Variants in XKR4 observed in about 807,000 individuals in gnomAD.
XKR4 encodes XK-related protein 4.
XKR4 carries 12 observed loss-of-function variants against 53.9 expected under a neutral mutation model. That is an observed-to-expected ratio of 0.22 (90% CI 0.14 to 0.36). The LOEUF (loss-of-function observed/expected upper bound fraction) is 0.36, where lower values mean the gene tolerates loss of function less well. XKR4 is among the 10% of genes least tolerant of loss of function. The probability of loss-of-function intolerance (pLI) is 1.00; values close to 1 mark genes in which losing one functional copy is unlikely to be tolerated. For synonymous variants in XKR4, 354 were observed against 362.4 expected (o/e 0.98, Z 0.26); for missense variants, 799 against 859.5 (o/e 0.93, Z 0.88).
Position 55,301,427 on chromosome 8 carries a change from G to A in XKR4, c.807-56251G>A, listed in dbSNP as rs545534667. ...ACATTTGGGTTGGTTCCAAGTCTTTGCTATTGTGAATAGTGCCGCAATAAA... is the reference window on the plus strand; with the variant it reads ...ACATTTGGGTTGGTTCCAAGTCTTTACTATTGTGAATAGTGCCGCAATAAA... On this transcript the variant is annotated intron_variant, in intron 1 of 2. Transcript: ENST00000327381. 5.6e-3 allele frequency among the ~76,000 whole-genome samples: 846 copies of A among 151,920 alleles called. 10 individuals carry two copies. Among genetic ancestry groups the A allele is most frequent in the African/African-American group, 0.019 (807 of 41,458 alleles).
At chr8:55,238,858 G>A (rs1818170263) in intron 1 of XKR4, among the ~76,000 whole-genome samples, 1 of 152,138 alleles carries the variant, frequency 6.6e-6, no homozygotes, top group East Asian at 1.9e-4. Context: ...TAATAAGTGA[G>A]GTTCAGAAAC....
At chr8:55,257,735 T>C (rs192264902) in intron 1 of XKR4, among the ~76,000 whole-genome samples, 51 of 152,366 alleles carry the variant, frequency 3.3e-4, no homozygotes, top group Admixed American at 1.4e-3. Context: ...GAACTGATAC[T>C]GTGGCTTTTC....
intron 1 of XKR4, among the ~76,000 whole-genome samples, chr8:55,329,054 C>G (rs1419205859): frequency 6.6e-6 from 1 of 152,148 alleles, no homozygotes; most frequent in Non-Finnish European, 1.5e-5. Flanking sequence ...AAGGTGGCCC[C>G]TCAGTGAATA....
At chr8:55,382,225 G>T (rs1435577740) in intron 2 of XKR4, among the ~76,000 whole-genome samples, 1 of 152,156 alleles carries the variant, frequency 6.6e-6, no homozygotes, top group Non-Finnish European at 1.5e-5. Flanking sequence ...TTGTATTCAA[G>T]TCTAACAGGA....
chr8:55,247,835 TTTTC>T (rs374604470), intron 1 of XKR4, among the ~76,000 whole-genome samples: 2 of 65,088 alleles, frequency 3.1e-5, no homozygotes, highest in Admixed American at 1.6e-4. Context: ...TAATTTTTCT[TTTTC>T]TTTCTTTCTT....
At chr8:55,321,762 A>G (rs1803218379) in intron 1 of XKR4, among the ~76,000 whole-genome samples, 1 of 152,160 alleles carries the variant, frequency 6.6e-6, no homozygotes, top group Non-Finnish European at 1.5e-5. Flanking sequence ...AGGCCAAGGC[A>G]GGTGGATCAT....
intron 1 of XKR4, among the ~76,000 whole-genome samples, chr8:55,252,402 AT>A (rs1406510952): frequency 1.3e-5 from 2 of 152,140 alleles, no homozygotes; most frequent in Non-Finnish European, 2.9e-5. Flanking sequence ...GGCAAGGACT[AT>A]TTTTGTTTTA....
chr8:55,151,949 C>T (rs1278172231), intron 1 of XKR4, among the ~76,000 whole-genome samples: 6 of 152,068 alleles, frequency 3.9e-5, no homozygotes. Context: ...GTATTTCTTT[C>T]TTGGTATTTT....
chr8:55,465,257 C>T lies in XKR4; in HGVS notation c.1007-58024C>T, dbSNP rs574046434. The stretch of plus-strand genomic sequence containing the variant: ...AACTATACTACAAGGCTACAGTAAC[C>T]AAAACAGCATGGTACTGGTACCAAA... On this transcript the variant is annotated intron_variant, in intron 2 of 2. Transcript: ENST00000327381. 3.2e-3 allele frequency among the ~76,000 whole-genome samples: 484 copies of T among 152,200 alleles called. 2 individuals carry two copies. Among genetic ancestry groups the T allele is most frequent in the African/African-American group, 0.011 (452 of 41,456 alleles).
At chr8:55,422,050 C>A (rs1385793240) in intron 2 of XKR4, among the ~76,000 whole-genome samples, 1 of 152,132 alleles carries the variant, frequency 6.6e-6, no homozygotes, top group Non-Finnish European at 1.5e-5. Flanking sequence ...ATAACTATGG[C>A]CTATATGTGC....
At chr8:55,450,375 T>C (rs1805419329) in intron 2 of XKR4, 1 of 648,752 alleles carries the variant, frequency 1.5e-6, no homozygotes, top group Non-Finnish European at 2.6e-6. Context: ...GCAGGACCTC[T>C]GTGTCCTCGG....
chr8:55,530,143 A>AGAAGGAAG lies in XKR4; in HGVS notation c.*5975_*5982dup, dbSNP rs60739329. ...AGGGAGGGAGAGAGGGAGGGAAGGA[A>AGAAGGAAG]GAAGGAAGGAAGGAAGGAAGGAAGG... On this transcript the variant is annotated 3_prime_UTR_variant, in exon 3 of 3. Coordinates refer to ENST00000327381, the MANE Select transcript of XKR4 (RefSeq NM_052898.2). 210 of 132,958 alleles carry AGAAGGAAG rather than the reference A, an allele frequency of 1.6e-3. No homozygotes were observed. The highest frequency in any genetic ancestry group is 2.3e-3 in the Admixed American group (29 of 12,676). 8.2% of individuals were successfully genotyped at this position (132,958 alleles called of 1,614,324 possible). A position where few individuals can be genotyped will look rare whatever the true frequency, so the allele number is the denominator to read the frequency against.
At chr8:55,450,656 G>T in intron 2 of XKR4, 1 of 606,638 alleles carries the variant, frequency 1.6e-6, no homozygotes, top group South Asian at 1.6e-5. Flanking sequence ...CAGGAAGATA[G>T]TGTGAAGCCG....
At chr8:55,167,606 G>A (rs1817088050) in intron 1 of XKR4, among the ~76,000 whole-genome samples, 1 of 152,170 alleles carries the variant, frequency 6.6e-6, no homozygotes, top group Non-Finnish European at 1.5e-5. Flanking sequence ...CTGAGATTCA[G>A]TAGTTTATCT....
intron 1 of XKR4, among the ~76,000 whole-genome samples, chr8:55,203,662 T>C (rs1021129813): frequency 5.3e-5 from 8 of 152,138 alleles, no homozygotes; most frequent in Non-Finnish European, 8.8e-5. Context: ...CAGCACCACG[T>C]CCAGGCCATA....
At position 55,454,468 on chromosome 8, in the gene XKR4, C is replaced by A. The variant is rs1563354993; in HGVS notation, c.1007-68813C>A. Reference sequence around the variant, plus strand: ...TCCGGGACAGGAAGAGAACCTCGTGCTCCATGAGGGTGGCACAGACCAAAG... The same window carrying A: ...TCCGGGACAGGAAGAGAACCTCGTGATCCATGAGGGTGGCACAGACCAAAG... On this transcript the variant is annotated intron_variant, in intron 2 of 2. Transcript: ENST00000327381. 6 of 1,179,104 alleles carry A rather than the reference C, an allele frequency of 5.1e-6. No individual in the cohort carries two copies. In the East Asian group the frequency reaches 1.5e-4, roughly 30 times the overall value. The allele number at this position is 1,179,104 out of a possible 1,614,324, so 73.0% of individuals were successfully genotyped here. A position where few individuals can be genotyped will look rare whatever the true frequency, so the allele number is the denominator to read the frequency against.
intron 1 of XKR4, among the ~76,000 whole-genome samples, chr8:55,150,565 G>A (rs143912749): frequency 1.2e-4 from 19 of 152,154 alleles, no homozygotes; most frequent in African/African-American, 4.1e-4. Context: ...ACCCTGCCAG[G>A]GCCCTCTGCT....
chr8:55,483,761 T>TA (rs1806151321), intron 2 of XKR4, among the ~76,000 whole-genome samples: 1 of 125,640 alleles, frequency 8.0e-6, no homozygotes. Context: ...GCCTCTCCCT[T>TA]AAACAAAAAA....
At chr8:55,141,187 C>G (rs1563466735) in intron 1 of XKR4, among the ~76,000 whole-genome samples, 1 of 152,128 alleles carries the variant, frequency 6.6e-6, no homozygotes, top group Non-Finnish European at 1.5e-5. Context: ...ATAAATTGTG[C>G]GGCAAACATT....
Sources: allele counts gnomAD v4.1 joint callset (sites outside exome capture counted in the v4.1 genomes callset), GRCh38; gene constraint gnomAD v4.1.1; transcripts MANE v1.5; gene names NCBI Gene and HGNC (gene_info 2026-07-23, HGNC 2026-07-21).